Variants in ADGRV1 observed in about 807,000 individuals in gnomAD.
ADGRV1 encodes G-protein coupled receptor 98.
In ADGRV1, 359 loss-of-function variants were observed where a neutral mutation model predicts 596.2. That is an observed-to-expected ratio of 0.60 (90% CI 0.55 to 0.66). The LOEUF is 0.66. ADGRV1 is among the 30% of genes least tolerant of loss of function. The pLI, the probability that ADGRV1 is intolerant of heterozygous loss-of-function variation, is 0.00. For missense variants in ADGRV1, 7,274 were observed against 7,575.6 expected (o/e 0.96, Z 1.48); for synonymous variants, 2,681 against 2,679.2 (o/e 1.00, Z -0.02).
At chr5:91,121,480 G>A (rs776406325) in intron 87 of ADGRV1, among the ~76,000 whole-genome samples, 6 of 152,040 alleles carry the variant, frequency 3.9e-5, no homozygotes, top group Non-Finnish European at 8.8e-5. Context: ...TAAATACATG[G>A]GGCAACTCAA....
intron 85 of ADGRV1, among the ~76,000 whole-genome samples, chr5:91,062,953 CTT>C (rs70973726): frequency 4.0e-3 from 322 of 80,838 alleles, no homozygotes; most frequent in South Asian, 0.014. Context: ...GTTTCTCAAA[CTT>C]TTTTTTTTTT....
chr5:90,770,478 A>G (rs2150047338), intron 59 of ADGRV1, among the ~76,000 whole-genome samples: 1 of 152,224 alleles, frequency 6.6e-6, no homozygotes, highest in East Asian at 1.9e-4. Context: ...GTCTACTCCA[A>G]ACTGATTCCT....
Position 90,757,161 on chromosome 5 carries a change from G to T in ADGRV1, c.11940G>T (p.Gln3980His), listed in dbSNP as rs1301164004. The T allele has an allele frequency of 1.4e-5, 22 of 1,613,264 alleles. No homozygotes were observed. The highest frequency in any genetic ancestry group is 1.9e-5 in the Non-Finnish European group (22 of 1,179,302). Residue 3980 changes from glutamine to histidine, a missense_variant and splice_region_variant, in exon 57 of 90, where the codon CAG (glutamine) becomes CAT (histidine). Gln to His is a conservative substitution (Grantham distance 24, BLOSUM62 0). Around this residue, in one of 5 missense-constraint regions of ADGRV1, gnomAD observed 3,643 missense variants for 3,809.2 expected, o/e 0.96. Transcript: ENST00000405460. ...SHGILEFADK[Q>H]VTAMIEITII... ...GGATTCTTGAATTTGCAGATAAACAGGTATGCCAGTCATTAACATATTAGC... is the reference window on the plus strand; with the variant it reads ...GGATTCTTGAATTTGCAGATAAACATGTATGCCAGTCATTAACATATTAGC...
chr5:91,063,689 A>G (rs1787644854), intron 85 of ADGRV1, among the ~76,000 whole-genome samples: 1 of 152,248 alleles, frequency 6.6e-6, no homozygotes, highest in Non-Finnish European at 1.5e-5. Context: ...ATTGAAAATC[A>G]GTCAAATTTG....
In ADGRV1 at chr5:90,802,753, G is replaced by T. The variant is rs367716487; in HGVS notation, c.14532G>T (p.Leu4844=). The change falls in exon 71 of 90, where the codon CTG becomes CTT. Residue 4844 remains leucine (L), a synonymous_variant. Transcript: ENST00000405460. ...TTTGTTTATAGGTCTTCCTATCACT[G>T]GGCTCTAATTTCACTTTGCAACTGG... is the stretch of plus-strand genomic sequence containing the variant. ...VPIKNQVFLS[L]GSNFTLQLVT... 44 of 1,610,908 alleles carry T rather than the reference G, an allele frequency of 2.7e-5. No individual in the cohort carries two copies. Among genetic ancestry groups the T allele is most frequent in the Non-Finnish European group, 7.6e-6 (9 of 1,178,420 alleles).
chr5:90,789,912 G>T, intron 69 of ADGRV1, 61 bp downstream of exon 69: 1 of 1,203,078 alleles, frequency 8.3e-7, no homozygotes, highest in Non-Finnish European at 1.1e-6. Context: ...GGTTAAGAGG[G>T]ACAGGGAAAC....
chr5:91,121,148 C>T (rs187530598), intron 87 of ADGRV1, among the ~76,000 whole-genome samples: 3 of 151,952 alleles, frequency 2.0e-5, no homozygotes, highest in Admixed American at 6.6e-5. Context: ...CACTCTAGGC[C>T]GGGCAACAGA....
chr5:90,627,411 A>G lies in ADGRV1; in HGVS notation c.873A>G (p.Gly291=), dbSNP rs1764907604. The change falls in exon 7 of 90, where the codon GGA becomes GGG. Residue 291 remains glycine, a synonymous_variant. Coordinates refer to ENST00000405460, the MANE Select transcript of ADGRV1 (RefSeq NM_032119.4). ...IPVVRGKDNN[G]NLIGSDEYEV... The stretch of plus-strand genomic sequence containing the variant: ...TAGTTCGTGGAAAGGACAACAATGG[A>G]AATCTGATTGGATCTGATGAATATG... 1 of 1,613,844 alleles carries G rather than the reference A, an allele frequency of 6.2e-7. No homozygotes were observed. Among genetic ancestry groups the G allele is most frequent in the Non-Finnish European group, 8.5e-7 (1 of 1,179,864 alleles).
At chr5:90,841,828 C>T (rs1581284701) in intron 78 of ADGRV1, among the ~76,000 whole-genome samples, 1 of 152,078 alleles carries the variant, frequency 6.6e-6, no homozygotes, top group Non-Finnish European at 1.5e-5. Context: ...TGCATACTTT[C>T]CATCCAGTGG....
chr5:91,095,452 A>C (rs1421484178), intron 86 of ADGRV1, among the ~76,000 whole-genome samples: 1 of 152,112 alleles, frequency 6.6e-6, no homozygotes, highest in Non-Finnish European at 1.5e-5. Context: ...TCTCCCATGC[A>C]CAGTATCCTC....
intron 1 of ADGRV1, among the ~76,000 whole-genome samples, chr5:90,588,898 G>A (rs933267736): frequency 2.6e-5 from 4 of 152,164 alleles, no homozygotes; most frequent in African/African-American, 7.2e-5. Flanking sequence ...TTAACTCGGA[G>A]CCTAACTGCC....
chr5:90,941,118 C>T, intron 83 of ADGRV1, among the ~76,000 whole-genome samples: 1 of 136,598 alleles, frequency 7.3e-6, no homozygotes, highest in East Asian at 2.0e-4. Context: ...TTTCTAAGAT[C>T]ATGGCAAGGA....
chr5:90,626,579 C>T (rs1482295992), intron 6 of ADGRV1: 1 of 150,910 alleles, frequency 6.6e-6, no homozygotes, highest in Non-Finnish European at 1.5e-5. Context: ...GATTTCTCTG[C>T]AGCAGCATAA....
chr5:90,640,418 A>G (rs7701844), intron 11 of ADGRV1, among the ~76,000 whole-genome samples: 27,539 of 152,094 alleles, frequency 0.18, 2,688 homozygotes, highest in East Asian at 0.4. Flanking sequence ...TCTGAGACTA[A>G]AGGTTTTTAT....
Position 90,629,546 on chromosome 5 carries a change from G to T in ADGRV1, c.1839+7G>T. On this transcript the variant is annotated splice_region_variant and intron_variant, in intron 9 of 89. Transcript: ENST00000405460. The stretch of plus-strand genomic sequence containing the variant: ...AGCTCACTTTCTAGTACAGGTACTT[G>T]TATGATTAAAATAATCGTAATTTTG... 6.3e-7 allele frequency: 1 copy of T among 1,575,880 alleles called. No homozygotes were observed. Among genetic ancestry groups the T allele is most frequent in the Non-Finnish European group, 8.6e-7 (1 of 1,156,212 alleles).
chr5:90,910,883 G>A (rs919222080), intron 83 of ADGRV1, among the ~76,000 whole-genome samples: 2 of 152,066 alleles, frequency 1.3e-5, no homozygotes, highest in African/African-American at 4.8e-5. Context: ...AACTAATCTC[G>A]TTTGACAGTG....
chr5:90,985,531 AC>A lies in ADGRV1; in HGVS notation c.18152+12del. On this transcript the variant is annotated intron_variant, in intron 85 of 89. Transcript: ENST00000405460. ...CTCATTCATGGTGACCTGTAAGTAC[AC>A]CCAGGCAACACATTGCCCTAGCTTT... is the stretch of plus-strand genomic sequence containing the variant. 1 of 1,608,954 alleles carries A rather than the reference AC, an allele frequency of 6.2e-7. No homozygotes were observed. The highest frequency in any genetic ancestry group is 8.5e-7 in the Non-Finnish European group (1 of 1,175,798).
intron 83 of ADGRV1, among the ~76,000 whole-genome samples, chr5:90,959,274 A>G (rs1250948963): frequency 2.0e-5 from 3 of 152,110 alleles, no homozygotes; most frequent in Admixed American, 2.0e-4. Context: ...AATTAGGGGT[A>G]AATCTTTTTT....
intron 85 of ADGRV1, among the ~76,000 whole-genome samples, chr5:90,986,697 A>C (rs1780527685): frequency 6.6e-6 from 1 of 152,150 alleles, no homozygotes; most frequent in Admixed American, 6.5e-5. Context: ...ATGCATATAC[A>C]AGTCTATATT....
Sources: gnomAD v4.1 joint callset for allele counts (sites outside exome capture counted in the v4.1 genomes callset) on GRCh38, gnomAD v4.1.1 for gene constraint, gnomAD v4.1.1 regional missense constraint, MANE v1.5 for transcripts, NCBI Gene and HGNC (gene_info 2026-07-23, HGNC 2026-07-21) for gene names.